The following C13orf42 variants were observed in gnomAD, a reference collection of about 807,000 sequenced individuals.
C13orf42 encodes chromosome 13 open reading frame 42, also known as uncharacterized protein C13orf42.
chr13:51,125,846 T>G (rs1953572493), intron 1 of C13orf42, among the ~76,000 whole-genome samples: 1 of 152,230 alleles, frequency 6.6e-6, no homozygotes, highest in Non-Finnish European at 1.5e-5. Context: ...ATTAAATAAA[T>G]GCAATGACAA....
In C13orf42 at chr13:51,164,532, C is replaced by T. The variant is rs149015652; in HGVS notation, n.136+7721G>A. Among the ~76,000 whole-genome samples, 719 of 152,196 alleles carry T rather than the reference C, an allele frequency of 4.7e-3. 4 individuals carry two copies. Among genetic ancestry groups the T allele is most frequent in the African/African-American group, 0.016 (673 of 41,528 alleles). ...TTAAAAATTAGCCAGGAGTAGCACA[C>T]GCCTATAGTCCTAGCTATTCAGGAG... On this transcript the variant is annotated intron_variant and non_coding_transcript_variant, in intron 1 of 4. Transcript: ENST00000433280.
chr13:51,155,487 C>T (rs892029079), intron 1 of C13orf42, among the ~76,000 whole-genome samples: 6 of 151,952 alleles, frequency 3.9e-5, no homozygotes, highest in Admixed American at 6.5e-5. Flanking sequence ...CAAGTATGAG[C>T]GCTGGAAACC....
At chr13:51,103,757 G>C (rs1953318309) in intron 1 of C13orf42, among the ~76,000 whole-genome samples, 1 of 152,150 alleles carries the variant, frequency 6.6e-6, no homozygotes, top group South Asian at 2.1e-4. Context: ...AAGCCTTGAA[G>C]ACGTTGTGCT....
chr13:51,126,166 T>C (rs764334277), intron 1 of C13orf42, among the ~76,000 whole-genome samples: 1 of 152,228 alleles, frequency 6.6e-6, no homozygotes, highest in African/African-American at 2.4e-5. Flanking sequence ...TTAACATGCA[T>C]TGAGCACCTA....
intron 1 of C13orf42, among the ~76,000 whole-genome samples, chr13:51,102,868 G>A (rs1336252795): frequency 4.6e-5 from 7 of 152,104 alleles, no homozygotes; most frequent in African/African-American, 9.7e-5. Context: ...TTCTTCATAC[G>A]GTGTCAGGAA....
At position 51,124,179 on chromosome 13, in the gene C13orf42, A is replaced by G. The variant is rs1953558028; in HGVS notation, n.137-10957T>C. Among the ~76,000 whole-genome samples the G allele has an allele frequency of 2.0e-5, 3 of 152,202 alleles. No individual in the cohort carries two copies. The South Asian group carries it at 6.2e-4, about 32-fold the overall frequency. On this transcript the variant is annotated intron_variant and non_coding_transcript_variant, in intron 1 of 4. Coordinates refer to the C13orf42 transcript ENST00000433280. ...CACCCAGGAACTGACTCAGTATAAG[A>G]GAACAGCTTCGACTCCCTACAATTT...
chr13:51,120,419 T>C (rs1475772848), intron 1 of C13orf42, among the ~76,000 whole-genome samples: 1 of 152,190 alleles, frequency 6.6e-6, no homozygotes, highest in Non-Finnish European at 1.5e-5. Context: ...GGGGCAGGAA[T>C]TGTGAATGCT....
intron 1 of C13orf42, among the ~76,000 whole-genome samples, chr13:51,165,272 C>T (rs1183350889): frequency 2.6e-5 from 4 of 152,212 alleles, no homozygotes; most frequent in Non-Finnish European, 4.4e-5. Flanking sequence ...TTCTGTTACC[C>T]TTTTTCAGTT....
intron 1 of C13orf42, among the ~76,000 whole-genome samples, chr13:51,103,303 G>C (rs922755639): frequency 6.6e-6 from 1 of 152,106 alleles, no homozygotes; most frequent in African/African-American, 2.4e-5. Context: ...CTGTCCTCAG[G>C]GAGGACCCCA....
At chr13:51,142,190 T>C (rs992851450) in intron 1 of C13orf42, among the ~76,000 whole-genome samples, 2 of 152,244 alleles carry the variant, frequency 1.3e-5, no homozygotes, top group Non-Finnish European at 2.9e-5. Context: ...GCCTAGTCCA[T>C]AGACAATAAG....
intron 1 of C13orf42, among the ~76,000 whole-genome samples, chr13:51,095,631 A>G (rs935756630): frequency 6.6e-6 from 1 of 151,938 alleles, no homozygotes; most frequent in African/African-American, 2.4e-5. Context: ...AGCTGTATCA[A>G]GTCTACTGAT....
At chr13:51,141,760 T>G (rs1366466403) in intron 1 of C13orf42, among the ~76,000 whole-genome samples, 1 of 151,878 alleles carries the variant, frequency 6.6e-6, no homozygotes, top group African/African-American at 2.4e-5. Flanking sequence ...ATCCCACCAC[T>G]GCACTCCAGC....
At chr13:51,164,815 G>C (rs748126398) in intron 1 of C13orf42, among the ~76,000 whole-genome samples, 24 of 152,224 alleles carry the variant, frequency 1.6e-4, no homozygotes, top group Admixed American at 1.3e-4. Context: ...ACATTAGCCA[G>C]AGCAATTGAA....
intron 1 of C13orf42, among the ~76,000 whole-genome samples, chr13:51,129,835 G>A (rs1279910097): frequency 6.6e-6 from 1 of 152,084 alleles, no homozygotes; most frequent in Non-Finnish European, 1.5e-5. Context: ...TACTCTTCAA[G>A]ATGGCCTAGT....
chr13:51,105,278 T>C (rs1020963840), intron 1 of C13orf42, among the ~76,000 whole-genome samples: 2 of 152,194 alleles, frequency 1.3e-5, no homozygotes, highest in Admixed American at 6.5e-5. Context: ...CAGCTGGGGC[T>C]CTGAGAAATC....
chr13:51,111,116 T>G lies in C13orf42; in HGVS notation c.94A>C (p.Lys32Gln), dbSNP rs1278807487. 5.0e-6 allele frequency: 2 copies of G among 398,554 alleles called. No homozygotes were observed. Among genetic ancestry groups the G allele is most frequent in the Non-Finnish European group, 8.8e-6 (2 of 226,088 alleles). The allele number at this position is 398,554 out of a possible 1,614,324, so 24.7% of individuals were successfully genotyped here. ...TACATGGAACTGCTTCGAATCAGCT[T>G]CACTGCGGGGCTGGCTCCTTCGTAG... is the stretch of plus-strand genomic sequence containing the variant. Reference protein sequence around the residue: ...PFYEGASPAVKLIRSSSMYVV... With the variant: ...PFYEGASPAVQLIRSSSMYVV... The change falls in exon 1 of 4, where the codon AAG becomes CAG. Residue 32 changes from lysine to glutamine, a missense_variant. Physicochemically the swap from Lys to Gln is moderately conservative, Grantham distance 53. Coordinates refer to ENST00000563710, the MANE Select transcript of C13orf42 (RefSeq NM_001351589.3).
upstream of C13orf42, among the ~76,000 whole-genome samples, chr13:51,112,300 G>A (rs1476963050): frequency 2.6e-5 from 4 of 152,172 alleles, no homozygotes; most frequent in Non-Finnish European, 4.4e-5. Flanking sequence ...TGTATGTAAA[G>A]CATTACTGAA....
rs185489857 is a variant in C13orf42 at position 51,084,782 on chromosome 13, G to A, written c.804-457C>T. Among the ~76,000 whole-genome samples, 280 of 152,346 alleles carry A rather than the reference G, an allele frequency of 1.8e-3. 2 individuals are homozygous for A. Among genetic ancestry groups the A allele is most frequent in the Middle Eastern group, 3.4e-3 (1 of 294 alleles). On this transcript the variant is annotated intron_variant, in intron 3 of 3. Coordinates refer to ENST00000563710, the MANE Select transcript of C13orf42 (RefSeq NM_001351589.3). ...GTGGATAACAGGAATTTGACGGTTA[G>A]TGATGGTAACTAGGCCTGGGGGAGG...
intron 1 of C13orf42, among the ~76,000 whole-genome samples, chr13:51,169,651 T>TGAATCCTGGCTGCCCC (rs71085071): frequency 0.34 from 51,699 of 152,006 alleles, 10,322 homozygotes; most frequent in Non-Finnish European, 0.44. Context: ...CATGGTGCCC[T>TGAATCCTGGCTGCCCC]GAATCCTGGC....
Sources: allele counts gnomAD v4.1 joint callset (sites outside exome capture counted in the v4.1 genomes callset), GRCh38; gene constraint gnomAD v4.1.1; transcripts MANE v1.5; gene names NCBI Gene and HGNC (gene_info 2026-07-23, HGNC 2026-07-21).